NTNG1: variants seen among roughly 807,000 people sequenced by gnomAD.
NTNG1 encodes the protein netrin G1, also known as netrin-G1.
A neutral mutation model predicts 54.0 loss-of-function variants in NTNG1; 16 were observed. The ratio of observed to expected loss-of-function variants is 0.30; its 90% CI spans 0.20 to 0.45. The LOEUF (loss-of-function observed/expected upper bound fraction) is 0.45, where lower values mean the gene tolerates loss of function less well. Among genes scored for constraint, NTNG1 ranks in the 20% least tolerant of loss-of-function variants. The pLI, the probability that NTNG1 is intolerant of heterozygous loss-of-function variation, is 1.00. For missense variants in NTNG1, 530 were observed against 678.7 expected (o/e 0.78, Z 2.43); for synonymous variants, 255 against 263.1 (o/e 0.97, Z 0.30).
At chr1:107,420,005 T>C (rs1019173059) in intron 5 of NTNG1, among the ~76,000 whole-genome samples, 1 of 152,070 alleles carries the variant, frequency 6.6e-6, no homozygotes, top group Non-Finnish European at 1.5e-5. Context: ...AGTGGCTTTA[T>C]TCCTTGGCAA....
At chr1:107,431,529 A>G (rs1039111334) in intron 6 of NTNG1, among the ~76,000 whole-genome samples, 5 of 152,116 alleles carry the variant, frequency 3.3e-5, no homozygotes, top group African/African-American at 9.7e-5. Context: ...GCAACTAATT[A>G]TCTTAGCCCT....
chr1:107,351,803 T>G (rs1288973357), intron 3 of NTNG1, among the ~76,000 whole-genome samples: 2 of 152,358 alleles, frequency 1.3e-5, no homozygotes, highest in East Asian at 3.9e-4. Context: ...GGCAAGTTCC[T>G]TCCACCTATC....
intron 4 of NTNG1, among the ~76,000 whole-genome samples, chr1:107,407,277 A>G (rs1022013224): frequency 2.0e-5 from 3 of 152,158 alleles, no homozygotes; most frequent in Non-Finnish European, 4.4e-5. Flanking sequence ...GCACGTGTCC[A>G]TAGAGTGTAT....
chr1:107,194,140 C>A (rs1301287513), intron 2 of NTNG1, among the ~76,000 whole-genome samples: 2 of 151,898 alleles, frequency 1.3e-5, no homozygotes, highest in Admixed American at 1.3e-4. Context: ...TTGTACTGGC[C>A]AACTCTTAGC....
chr1:107,190,053 C>T (rs1245563672), intron 2 of NTNG1, among the ~76,000 whole-genome samples: 1 of 151,958 alleles, frequency 6.6e-6, no homozygotes, highest in Non-Finnish European at 1.5e-5. Context: ...GTAAAATAAG[C>T]CTATCACAAA....
chr1:107,317,545 T>G (rs942093410), intron 2 of NTNG1, among the ~76,000 whole-genome samples: 2 of 152,176 alleles, frequency 1.3e-5, no homozygotes, highest in Non-Finnish European at 1.5e-5. Flanking sequence ...TCTGTTTTTG[T>G]GGCTTATGGC....
At chr1:107,433,624 CT>C (rs1675416063) in intron 6 of NTNG1, among the ~76,000 whole-genome samples, 1 of 152,140 alleles carries the variant, frequency 6.6e-6, no homozygotes, top group South Asian at 2.1e-4. Flanking sequence ...AATTATTGCC[CT>C]TTTCTAAAGA....
intron 4 of NTNG1, among the ~76,000 whole-genome samples, chr1:107,405,531 C>T (rs1251858836): frequency 2.0e-5 from 3 of 152,104 alleles, no homozygotes; most frequent in Non-Finnish European, 4.4e-5. Context: ...TGCCCTGGTA[C>T]TAAAGGAATG....
At chr1:107,404,708 C>T (rs1673292517) in intron 4 of NTNG1, among the ~76,000 whole-genome samples, 1 of 151,896 alleles carries the variant, frequency 6.6e-6, no homozygotes, top group Non-Finnish European at 1.5e-5. Flanking sequence ...TAAAAAAATG[C>T]AAAAACAAGT....
chr1:107,357,830 G>A (rs562423165), intron 3 of NTNG1, among the ~76,000 whole-genome samples: 145 of 152,196 alleles, frequency 9.5e-4, no homozygotes, highest in African/African-American at 3.3e-3. Context: ...GATCTGAAAT[G>A]AAGGAAAATA....
intron 7 of NTNG1, among the ~76,000 whole-genome samples, chr1:107,470,517 T>C (rs1677913387): frequency 6.6e-6 from 1 of 152,254 alleles, no homozygotes; most frequent in South Asian, 2.1e-4. Flanking sequence ...TAGAGTTACA[T>C]GTCTGTACTT....
At chr1:107,326,644 A>G (rs575647226) in intron 3 of NTNG1, among the ~76,000 whole-genome samples, 2 of 152,276 alleles carry the variant, frequency 1.3e-5, no homozygotes, top group Admixed American at 1.3e-4. Flanking sequence ...AGTGTAATCT[A>G]CATTGCTCGG....
At chr1:107,244,297 C>A (rs1357104970) in intron 2 of NTNG1, among the ~76,000 whole-genome samples, 1 of 152,120 alleles carries the variant, frequency 6.6e-6, no homozygotes, top group African/African-American at 2.4e-5. Context: ...ATTTATTTTT[C>A]TCTTATGCTG....
intron 2 of NTNG1, among the ~76,000 whole-genome samples, chr1:107,306,687 G>A (rs999920925): frequency 6.6e-6 from 1 of 151,810 alleles, no homozygotes; most frequent in African/African-American, 2.4e-5. Context: ...GGAGGTGGAG[G>A]TTGCAGTGAG....
intron 2 of NTNG1, chr1:107,260,968 A>C (rs1189877786): frequency 6.6e-6 from 1 of 152,290 alleles, no homozygotes; most frequent in East Asian, 1.9e-4. Flanking sequence ...AAGAGAAAAA[A>C]GCAAGGAAAA....
intron 2 of NTNG1, among the ~76,000 whole-genome samples, chr1:107,201,206 C>G (rs1658730344): frequency 6.6e-6 from 1 of 151,770 alleles, no homozygotes; most frequent in Non-Finnish European, 1.5e-5. Flanking sequence ...AACTTTACTT[C>G]TTGGGCAACT....
intron 2 of NTNG1, among the ~76,000 whole-genome samples, chr1:107,164,408 T>C (rs1655623339): frequency 6.6e-6 from 1 of 152,206 alleles, no homozygotes; most frequent in Admixed American, 6.5e-5. Flanking sequence ...TTTATTGATG[T>C]GACCATTGGG....
At chr1:107,246,938 T>C (rs773006884) in intron 2 of NTNG1, among the ~76,000 whole-genome samples, 2 of 150,490 alleles carry the variant, frequency 1.3e-5, no homozygotes, top group East Asian at 3.9e-4. Flanking sequence ...CATCGGGTTA[T>C]TCCTATAAAG....
chr1:107,261,017 G>A (rs1443612900), intron 2 of NTNG1: 3 of 152,214 alleles, frequency 2.0e-5, no homozygotes, highest in Non-Finnish European at 4.4e-5. Context: ...TGCAGCCCAG[G>A]TAAGTACATC....
Sources: gnomAD v4.1 joint callset for allele counts (sites outside exome capture counted in the v4.1 genomes callset) on GRCh38, gnomAD v4.1.1 for gene constraint, MANE v1.5 for transcripts, NCBI Gene and HGNC (gene_info 2026-07-23, HGNC 2026-07-21) for gene names.